Variants in RBFOX1 observed in about 807,000 individuals in gnomAD.
RBFOX1 encodes the protein RNA binding protein fox-1 homolog 1.
A neutral mutation model predicts 57.7 loss-of-function variants in RBFOX1; 8 were observed. The ratio of observed to expected loss-of-function variants is 0.14; its 90% CI spans 0.08 to 0.25. The LOEUF (loss-of-function observed/expected upper bound fraction) is 0.25, where lower values mean the gene tolerates loss of function less well. Among genes scored for constraint, RBFOX1 ranks in the 10% least tolerant of loss-of-function variants. RBFOX1 has a pLI of 1.00. For missense variants in RBFOX1, 611 were observed against 548.5 expected, an observed-to-expected ratio of 1.11 and a Z score of -1.14; for synonymous variants, 326 against 222.4, an observed-to-expected ratio of 1.47 and a Z score of -4.15.
chr16:6,740,449 A>G (rs28871020), intron 3 of RBFOX1, among the ~76,000 whole-genome samples: 13,546 of 152,246 alleles, frequency 0.089, 742 homozygotes, highest in East Asian at 0.17. Context: ...AAGAAATAAA[A>G]CTATCCTTAT....
At chr16:5,981,692 C>T (rs781395573) in intron 4 of RBFOX1, among the ~76,000 whole-genome samples, 63 of 152,158 alleles carry the variant, frequency 4.1e-4, no homozygotes, top group Non-Finnish European at 1.5e-4. Context: ...TGGTCTTGAA[C>T]TCCTGACCTC....
chr16:6,747,712 T>C (rs1234901972), intron 3 of RBFOX1, among the ~76,000 whole-genome samples: 4 of 152,162 alleles, frequency 2.6e-5, no homozygotes, highest in African/African-American at 4.8e-5. Context: ...AGCAGAAATA[T>C]GTCTTCTGGG....
chr16:7,691,948 C>T (rs536584421), intron 14 of RBFOX1, among the ~76,000 whole-genome samples: 2 of 152,276 alleles, frequency 1.3e-5, no homozygotes, highest in Admixed American at 6.5e-5. Context: ...CTGTTTTGTG[C>T]AGCCCAGAAT....
At chr16:6,912,581 C>T (rs1355271479) in intron 3 of RBFOX1, among the ~76,000 whole-genome samples, 1 of 150,494 alleles carries the variant, frequency 6.6e-6, no homozygotes, top group African/African-American at 2.4e-5. Flanking sequence ...CTTTTTCTTT[C>T]TTGCTTTCTT....
At chr16:6,640,942 G>A (rs942883330) in intron 2 of RBFOX1, among the ~76,000 whole-genome samples, 2 of 152,092 alleles carry the variant, frequency 1.3e-5, no homozygotes, top group African/African-American at 4.8e-5. Flanking sequence ...AATAATGACT[G>A]TGGCAGCCAT....
chr16:6,300,793 C>A (rs2078724998), intron 1 of RBFOX1, among the ~76,000 whole-genome samples: 1 of 152,182 alleles, frequency 6.6e-6, no homozygotes, highest in Non-Finnish European at 1.5e-5. Context: ...TACTCCACCA[C>A]CACCTCCCAA....
chr16:5,541,120 G>C (rs1190872641), intron 2 of RBFOX1, among the ~76,000 whole-genome samples: 3 of 152,154 alleles, frequency 2.0e-5, no homozygotes, highest in African/African-American at 7.2e-5. Context: ...AAAGTGCTGG[G>C]ATTACAGACA....
chr16:5,513,697 A>G (rs955333817), intron 2 of RBFOX1, among the ~76,000 whole-genome samples: 41 of 152,190 alleles, frequency 2.7e-4, no homozygotes, highest in African/African-American at 9.2e-4. Context: ...ACTCATGGAT[A>G]TTTATTGTAT....
chr16:6,865,772 C>T (rs1203372428), intron 3 of RBFOX1, among the ~76,000 whole-genome samples: 1 of 151,520 alleles, frequency 6.6e-6, no homozygotes, highest in East Asian at 1.9e-4. Context: ...TTATTTTTTC[C>T]TGCTTTATTT....
At chr16:6,987,330 A>G (rs1021974517) in intron 3 of RBFOX1, among the ~76,000 whole-genome samples, 53 of 152,128 alleles carry the variant, frequency 3.5e-4, no homozygotes, top group African/African-American at 1.2e-3. Flanking sequence ...GGAGGAAGTG[A>G]GTGGAGAACA....
intron 1 of RBFOX1, among the ~76,000 whole-genome samples, chr16:6,218,116 A>ATTC (rs1337086627): frequency 1.3e-5 from 2 of 152,146 alleles, no homozygotes; most frequent in Admixed American, 6.6e-5. Context: ...TGCTGTTAGA[A>ATTC]TGAGTCCCAT....
intron 2 of RBFOX1, among the ~76,000 whole-genome samples, chr16:5,467,659 A>T (rs1373057726): frequency 1.3e-5 from 2 of 152,190 alleles, no homozygotes; most frequent in African/African-American, 4.8e-5. Context: ...CCATGTAAGA[A>T]TATAATTGAA....
At chr16:6,737,012 GA>G (rs1379196113) in intron 3 of RBFOX1, among the ~76,000 whole-genome samples, 1 of 152,144 alleles carries the variant, frequency 6.6e-6, no homozygotes, top group East Asian at 1.9e-4. Flanking sequence ...GGAACCGTCT[GA>G]AAAGAGGAGC....
intron 1 of RBFOX1, among the ~76,000 whole-genome samples, chr16:5,428,126 GTGTGTGTGTGTGTGTGTGTGTA>G (rs2067620821): frequency 8.2e-6 from 1 of 121,494 alleles, no homozygotes; most frequent in African/African-American, 4.5e-5. Context: ...GTGTGTCTGT[GTGTGTGTGTGTGTGTGTGTGTA>G]TGTGTGTATG....
intron 3 of RBFOX1, among the ~76,000 whole-genome samples, chr16:6,955,718 T>C (rs1241262399): frequency 6.6e-6 from 1 of 151,796 alleles, no homozygotes; most frequent in Non-Finnish European, 1.5e-5. Flanking sequence ...TTTATTTATT[T>C]TTGAGAGGGA....
intron 3 of RBFOX1, among the ~76,000 whole-genome samples, chr16:5,704,977 G>A (rs1036891958): frequency 4.6e-5 from 7 of 152,090 alleles, no homozygotes; most frequent in African/African-American, 1.2e-4. Flanking sequence ...ATCTCCAAGG[G>A]CACATGTGTA....
chr16:5,769,360 G>T (rs1484862205), intron 3 of RBFOX1, among the ~76,000 whole-genome samples: 1 of 151,802 alleles, frequency 6.6e-6, no homozygotes, highest in East Asian at 1.9e-4. Flanking sequence ...AGAAATTTGG[G>T]CTGGGTGCAG....
chr16:6,763,077 G>A (rs2076854352), intron 3 of RBFOX1, among the ~76,000 whole-genome samples: 1 of 152,174 alleles, frequency 6.6e-6, no homozygotes, highest in Admixed American at 6.5e-5. Flanking sequence ...TATCAGGACT[G>A]TATTACGAGA....
intron 3 of RBFOX1, among the ~76,000 whole-genome samples, chr16:6,861,173 A>C (rs1490580891): frequency 6.6e-6 from 1 of 152,194 alleles, no homozygotes; most frequent in African/African-American, 2.4e-5. Flanking sequence ...CATGTATTGC[A>C]TAAGAAAAAA....
Sources: allele counts gnomAD v4.1 joint callset (sites outside exome capture counted in the v4.1 genomes callset), GRCh38; gene constraint gnomAD v4.1.1; transcripts MANE v1.5; gene names NCBI Gene and HGNC (gene_info 2026-07-23, HGNC 2026-07-21).